The following GPM6A variants were observed in gnomAD, a reference collection of about 807,000 sequenced individuals.
GPM6A encodes neuronal membrane glycoprotein M6-a.
GPM6A carries 7 observed loss-of-function variants against 32.1 expected under a neutral mutation model. That is an observed-to-expected ratio of 0.22 (90% CI 0.12 to 0.41). The LOEUF (loss-of-function observed/expected upper bound fraction) is 0.41, where lower values mean the gene tolerates loss of function less well. Among genes scored for constraint, GPM6A ranks in the 10% least tolerant of loss-of-function variants. GPM6A has a pLI of 1.00. For synonymous variants in GPM6A, 130 were observed against 123.4 expected (o/e 1.05, Z -0.35); for missense variants, 235 against 347.2 (o/e 0.68, Z 2.57).
intron 1 of GPM6A, among the ~76,000 whole-genome samples, chr4:175,970,330 C>T (rs904454931): frequency 6.6e-6 from 1 of 152,098 alleles, no homozygotes; most frequent in African/African-American, 2.4e-5. Context: ...CTCACAGCAG[C>T]CAAATGCCCT....
intron 1 of GPM6A, among the ~76,000 whole-genome samples, chr4:175,744,945 A>G (rs1732039004): frequency 6.6e-6 from 1 of 152,196 alleles, no homozygotes; most frequent in Non-Finnish European, 1.5e-5. Context: ...TAAACATAAT[A>G]AAAAGAAAAA....
At chr4:175,674,869 T>C (rs1743277375) in intron 2 of GPM6A, among the ~76,000 whole-genome samples, 1 of 152,070 alleles carries the variant, frequency 6.6e-6, no homozygotes, top group Non-Finnish European at 1.5e-5. Context: ...TCCTTTTCAT[T>C]TTCTCACAAT....
intron 6 of GPM6A, among the ~76,000 whole-genome samples, chr4:175,639,194 A>C (rs1740991556): frequency 6.6e-6 from 1 of 152,224 alleles, no homozygotes; most frequent in East Asian, 1.9e-4. Context: ...CAAAATATTT[A>C]TGAAATCAGT....
intron 6 of GPM6A, among the ~76,000 whole-genome samples, chr4:175,635,484 T>G (rs957738348): frequency 4.6e-5 from 7 of 152,144 alleles, no homozygotes; most frequent in Non-Finnish European, 1.0e-4. Context: ...ATTACCCCAA[T>G]TAAAGAGAGA....
In GPM6A at chr4:176,002,288, C is replaced by T. The variant is rs374117106; in HGVS notation, c.-23+21G>A. On this transcript the variant is annotated intron_variant, in intron 1 of 7. Coordinates refer to the GPM6A transcript ENST00000280187. ...AGGCCGAGCCTTTGGGCGAGGTGTA[C>T]GCGCCCGCCCGCGCACTCACCCATG... is the stretch of plus-strand genomic sequence containing the variant. 1.7e-4 allele frequency: 272 copies of T among 1,598,448 alleles called. 2 individuals carry two copies. The highest frequency in any genetic ancestry group is 6.3e-4 in the East Asian group (28 of 44,194).
intron 1 of GPM6A, chr4:175,781,291 G>A (rs1733605647): frequency 6.6e-6 from 1 of 152,168 alleles, no homozygotes; most frequent in Non-Finnish European, 1.5e-5. Context: ...TGGTCTGTTT[G>A]GATGCCCTGA....
intron 1 of GPM6A, among the ~76,000 whole-genome samples, chr4:175,734,843 A>T (rs1731594745): frequency 6.6e-6 from 1 of 152,176 alleles, no homozygotes; most frequent in Admixed American, 6.5e-5. Context: ...ATTGCACTCC[A>T]GCCTGGGCGA....
At chr4:175,881,955 G>T (rs1035558040) in intron 1 of GPM6A, among the ~76,000 whole-genome samples, 1 of 151,778 alleles carries the variant, frequency 6.6e-6, no homozygotes, top group Non-Finnish European at 1.5e-5. Context: ...AAACTTGCAG[G>T]TTGTGCACAT....
At chr4:175,990,055 G>C (rs929750444) in intron 1 of GPM6A, among the ~76,000 whole-genome samples, 5 of 152,100 alleles carry the variant, frequency 3.3e-5, no homozygotes, top group Non-Finnish European at 7.3e-5. Flanking sequence ...GATATACACA[G>C]TTATTTATAA....
chr4:175,760,580 T>C (rs1395713079), intron 1 of GPM6A, among the ~76,000 whole-genome samples: 1 of 152,130 alleles, frequency 6.6e-6, no homozygotes, highest in Non-Finnish European at 1.5e-5. Context: ...ATGCAGATTA[T>C]AAAGATTAAA....
At chr4:175,968,072 C>A (rs1275636441) in intron 1 of GPM6A, among the ~76,000 whole-genome samples, 1 of 151,492 alleles carries the variant, frequency 6.6e-6, no homozygotes, top group East Asian at 1.9e-4. Context: ...AAAGAATAGA[C>A]AAATAAATCA....
intron 1 of GPM6A, among the ~76,000 whole-genome samples, chr4:175,746,142 A>C (rs1732094141): frequency 6.6e-6 from 1 of 152,192 alleles, no homozygotes; most frequent in South Asian, 2.1e-4. Flanking sequence ...TATGTAATTC[A>C]TATGAACAAC....
chr4:175,954,439 CCA>C (rs1739918914), intron 1 of GPM6A, among the ~76,000 whole-genome samples: 1 of 152,244 alleles, frequency 6.6e-6, no homozygotes, highest in South Asian at 2.1e-4. Context: ...TTTCTGTGCC[CCA>C]GTTTCCTCAC....
intron 1 of GPM6A, among the ~76,000 whole-genome samples, chr4:175,712,644 T>C (rs1745618301): frequency 6.6e-6 from 1 of 152,202 alleles, no homozygotes; most frequent in Non-Finnish European, 1.5e-5. Context: ...GTCCCTTGGG[T>C]AGAAATAAGA....
At chr4:175,773,934 A>C (rs1245442387) in intron 1 of GPM6A, among the ~76,000 whole-genome samples, 1 of 152,224 alleles carries the variant, frequency 6.6e-6, no homozygotes, top group Non-Finnish European at 1.5e-5. Context: ...ATATTAAAAA[A>C]TACATCCTTC....
At position 175,633,336 on chromosome 4, in the gene GPM6A, A is replaced by T. The variant is rs1022304271; in HGVS notation, c.*1569T>A. ...AAAATGAACCCCAAATTAATTAAAT[A>T]ATACTACGGAATGCATAATCATGCC... On this transcript the variant is annotated 3_prime_UTR_variant, in exon 7 of 7. Transcript: ENST00000393658. 1 of 152,482 alleles carries T rather than the reference A, an allele frequency of 6.6e-6. No homozygotes were observed. The highest frequency in any genetic ancestry group is 2.4e-5 in the African/African-American group (1 of 41,430). 9.4% of individuals were successfully genotyped at this position (152,482 alleles called of 1,614,324 possible). A position where few individuals can be genotyped will look rare whatever the true frequency, so the allele number is the denominator to read the frequency against.
chr4:175,708,549 C>A (rs1026970869), intron 1 of GPM6A, among the ~76,000 whole-genome samples: 3 of 151,928 alleles, frequency 2.0e-5, no homozygotes, highest in African/African-American at 2.4e-5. Context: ...CCACACCCAG[C>A]TAAATTTTTG....
rs539490579 is a variant in GPM6A at position 175,685,124 on chromosome 4, C to T, written c.231-11288G>A. On this transcript the variant is annotated intron_variant, in intron 2 of 6. Transcript: ENST00000393658. ...CAGGATGGTCTTGATCTCCTGACCT[C>T]GTGATCCACCTGCCTCGGCCTCCCA... Among the ~76,000 whole-genome samples the T allele has an allele frequency of 6.6e-5, 10 of 152,072 alleles. No individual in the cohort carries two copies. The South Asian group carries it at 1.0e-3, about 16-fold the overall frequency.
chr4:175,819,723 G>A lies in GPM6A; in HGVS notation c.-22-7474C>T, dbSNP rs921647319. Among the ~76,000 whole-genome samples, 7 of 152,246 alleles carry A rather than the reference G, an allele frequency of 4.6e-5. No homozygotes were observed. In the East Asian group the frequency reaches 1.2e-3, roughly 25 times the overall value. Reference sequence around the variant, plus strand: ...CATTCTTTGAACCACCTGGATATCCGCCTACACTTATGTAAGTAGTAGACC... The same window carrying A: ...CATTCTTTGAACCACCTGGATATCCACCTACACTTATGTAAGTAGTAGACC... On this transcript the variant is annotated intron_variant, in intron 1 of 7. Transcript: ENST00000280187.
Sources: gnomAD v4.1 joint callset for allele counts (sites outside exome capture counted in the v4.1 genomes callset) on GRCh38, gnomAD v4.1.1 for gene constraint, MANE v1.5 for transcripts, NCBI Gene and HGNC (gene_info 2026-07-23, HGNC 2026-07-21) for gene names.